ADGB: variants seen among roughly 807,000 people sequenced by gnomAD.
The protein encoded by ADGB is calpain-7-like protein.
Under a neutral mutation model 210.5 loss-of-function variants are expected in ADGB, and 172 were observed. The ratio of observed to expected loss-of-function variants is 0.82; its 90% CI spans 0.72 to 0.93. ADGB has a LOEUF of 0.93. Ranked by LOEUF, ADGB falls within the 40% of genes least tolerant of loss-of-function variation. The pLI, the probability that ADGB is intolerant of heterozygous loss-of-function variation, is 0.00. For synonymous variants in ADGB, 658 were observed against 662.7 expected (o/e 0.99, Z 0.11); for missense variants, 2,025 against 1,964.8 (o/e 1.03, Z -0.58).
At chr6:146,733,782 C>T in intron 21 of ADGB, 111 bp from the exon 22 acceptor site, 1 of 1,168,992 alleles carries the variant, frequency 8.6e-7, no homozygotes, top group Non-Finnish European at 1.2e-6. Context: ...GATGCTAACT[C>T]TTGCAATGTA....
intron 1 of ADGB, among the ~76,000 whole-genome samples, chr6:146,612,535 G>T (rs1218901748): frequency 6.6e-6 from 1 of 152,046 alleles, no homozygotes; most frequent in African/African-American, 2.4e-5. Context: ...TCTTTCAGTT[G>T]TTCACCTTGG....
intron 20 of ADGB, among the ~76,000 whole-genome samples, chr6:146,729,222 T>G (rs1487748898): frequency 6.6e-6 from 1 of 152,228 alleles, no homozygotes; most frequent in Non-Finnish European, 1.5e-5. Flanking sequence ...AAGGCACATA[T>G]GGACCTGTCC....
At chr6:146,727,055 G>T (rs554532980) in intron 19 of ADGB, among the ~76,000 whole-genome samples, 27 of 151,758 alleles carry the variant, frequency 1.8e-4, no homozygotes, top group Non-Finnish European at 3.8e-4. Flanking sequence ...GGACCAGTAT[G>T]TCCCCTAAAA....
intron 6 of ADGB, among the ~76,000 whole-genome samples, chr6:146,664,577 G>A (rs1444984310): frequency 6.6e-6 from 1 of 151,910 alleles, no homozygotes; most frequent in African/African-American, 2.4e-5. Flanking sequence ...TCTATGTTCA[G>A]TGCTGTCTTA....
At chr6:146,666,934 T>A (rs1293580444) in intron 7 of ADGB, 32 bp downstream of exon 7, 2 of 1,340,412 alleles carry the variant, frequency 1.5e-6, no homozygotes, top group Non-Finnish European at 1.0e-6. Context: ...CTCATATCTA[T>A]TTTTTTTATC....
intron 2 of ADGB, among the ~76,000 whole-genome samples, chr6:146,640,851 A>G (rs1447130525): frequency 2.0e-5 from 3 of 152,002 alleles, no homozygotes; most frequent in Non-Finnish European, 4.4e-5. Flanking sequence ...GAAAACCACC[A>G]TAAGACAAGG....
At chr6:146,803,833 T>A in intron 35 of ADGB, 10 of 348,790 alleles carry the variant, frequency 2.9e-5, no homozygotes, top group East Asian at 4.7e-5. Flanking sequence ...TCAGGGCCAT[T>A]CAAACGCGGC....
At chr6:146,726,042 C>T in intron 18 of ADGB, 41 bp from the exon 19 acceptor site, 2 of 1,339,014 alleles carry the variant, frequency 1.5e-6, no homozygotes, top group Non-Finnish European at 2.1e-6. Context: ...TGCCACCACC[C>T]AGGAAGCACT....
intron 4 of ADGB, among the ~76,000 whole-genome samples, chr6:146,655,510 G>T (rs906276674): frequency 5.9e-5 from 9 of 152,056 alleles, no homozygotes; most frequent in African/African-American, 2.2e-4. Context: ...TCAGAAACAA[G>T]AACTTTTAAA....
At chr6:146,682,130 T>C (rs1191356156) in intron 9 of ADGB, among the ~76,000 whole-genome samples, 1 of 152,128 alleles carries the variant, frequency 6.6e-6, no homozygotes, top group East Asian at 1.9e-4. Flanking sequence ...ATACTTCTTA[T>C]GGATTTATAG....
intron 20 of ADGB, 54 bp downstream of exon 20, chr6:146,728,795 G>T (rs1776937514): frequency 2.8e-6 from 4 of 1,406,926 alleles, no homozygotes; most frequent in East Asian, 2.5e-5. Flanking sequence ...TTTCAAAATG[G>T]TATATCTTCC....
intron 27 of ADGB, among the ~76,000 whole-genome samples, chr6:146,763,549 T>G (rs1225705729): frequency 1.4e-5 from 2 of 140,986 alleles, no homozygotes; most frequent in East Asian, 3.9e-4. Flanking sequence ...AAAGAGAAAG[T>G]CTTTTATAAG....
intron 35 of ADGB, among the ~76,000 whole-genome samples, chr6:146,806,918 T>G (rs1278494168): frequency 6.6e-6 from 1 of 152,192 alleles, no homozygotes; most frequent in Non-Finnish European, 1.5e-5. Context: ...GGCCTTGGTA[T>G]CCTTGATGAA....
chr6:146,727,993 G>GTTTT (rs1323576445), intron 19 of ADGB, among the ~76,000 whole-genome samples: 1 of 152,064 alleles, frequency 6.6e-6, no homozygotes, highest in Non-Finnish European at 1.5e-5. Flanking sequence ...GTTTTGTTTT[G>GTTTT]TTTTTTCCAA....
chr6:146,657,029 A>G, intron 5 of ADGB, 49 bp downstream of exon 5: 1 of 1,462,398 alleles, frequency 6.8e-7, no homozygotes, highest in Non-Finnish European at 9.4e-7. Flanking sequence ...TTCATATTGA[A>G]ATATACTTGT....
chr6:146,682,526 A>T (rs1184004510), intron 9 of ADGB, among the ~76,000 whole-genome samples: 2 of 152,242 alleles, frequency 1.3e-5, no homozygotes, highest in Non-Finnish European at 2.9e-5. Context: ...TCAATTATTA[A>T]GCATTATTAT....
At chr6:146,773,835 T>C (rs1777687685) in intron 29 of ADGB, among the ~76,000 whole-genome samples, 2 of 152,208 alleles carry the variant, frequency 1.3e-5, no homozygotes, top group South Asian at 4.1e-4. Context: ...TAGTAACTGC[T>C]AACATTTATG....
chr6:146,686,194 C>T (rs1776230959), intron 10 of ADGB, among the ~76,000 whole-genome samples: 1 of 152,008 alleles, frequency 6.6e-6, no homozygotes. Flanking sequence ...CATAAATAGG[C>T]CACATGCGTT....
At chr6:146,690,669 T>G (rs1776291679) in intron 10 of ADGB, among the ~76,000 whole-genome samples, 1 of 152,170 alleles carries the variant, frequency 6.6e-6, no homozygotes, top group African/African-American at 2.4e-5. Flanking sequence ...AGGGGTGAAG[T>G]GTAGACAAGA....
Sources: gnomAD v4.1 joint callset for allele counts (sites outside exome capture counted in the v4.1 genomes callset) on GRCh38, gnomAD v4.1.1 for gene constraint, MANE v1.5 for transcripts, NCBI Gene and HGNC (gene_info 2026-07-23, HGNC 2026-07-21) for gene names.